The following PTPN18 variants were observed in gnomAD, a reference collection of about 807,000 sequenced individuals.
PTPN18 encodes the protein protein tyrosine phosphatase non-receptor type 18, also known as tyrosine-protein phosphatase non-receptor type 18.
In PTPN18, 65 loss-of-function variants were observed where a neutral mutation model predicts 65.4. The ratio of observed to expected loss-of-function variants is 0.99; its 90% confidence interval spans 0.81 to 1.22. PTPN18 has a LOEUF of 1.22. Ranked by LOEUF, PTPN18 falls within the 50% of genes most tolerant of loss-of-function variation. The probability of loss-of-function intolerance (pLI) is 0.00; values close to 1 mark genes in which losing one functional copy is unlikely to be tolerated. For missense variants in PTPN18, 616 were observed against 646.5 expected, an observed-to-expected ratio of 0.95 and a Z score of 0.51; for synonymous variants, 255 against 267.8, an observed-to-expected ratio of 0.95 and a Z score of 0.47.
chr2:130,356,254 C>A, intron 1 of PTPN18, 54 bp downstream of exon 1: 2 of 1,223,368 alleles, frequency 1.6e-6, no homozygotes, highest in African/African-American at 1.6e-5. Context: ...GCCCTGCGTA[C>A]GCCTGTCCTC....
chr2:130,371,210 A>G lies in PTPN18; in HGVS notation c.936A>G (p.Pro312=), dbSNP rs776667763. 1 of 1,607,476 alleles carries G rather than the reference A, an allele frequency of 6.2e-7. No individual in the cohort carries two copies. The highest frequency in any genetic ancestry group is 8.5e-7 in the Non-Finnish European group (1 of 1,176,726). Reference sequence around the variant, plus strand: ...CTGTTTTTCTTCAGAATTGTGCCCCACTCTACGACGATGCCCTCTTCCTCC... The same window carrying G: ...CTGTTTTTCTTCAGAATTGTGCCCCGCTCTACGACGATGCCCTCTTCCTCC... ...HYQNIKENCA[P]LYDDALFLRT... is the part of the protein sequence containing the mutation. Residue 312 remains proline, a synonymous_variant, in exon 12 of 15, where the codon CCA becomes CCG. Coordinates refer to ENST00000175756, the MANE Select transcript of PTPN18 (RefSeq NM_014369.4).
intron 8 of PTPN18, 157 bp downstream of exon 8, chr2:130,370,347 A>T: frequency 8.1e-7 from 1 of 1,228,756 alleles, no homozygotes; most frequent in Non-Finnish European, 1.1e-6. Flanking sequence ...TGTTCAGCAC[A>T]GACTCAGCTG....
At chr2:130,369,004 T>G in intron 5 of PTPN18, 129 bp from the exon 6 acceptor site, 1 of 723,844 alleles carries the variant, frequency 1.4e-6, no homozygotes. Flanking sequence ...TGGCGTCTGT[T>G]ATAGGTTATA....
chr2:130,372,276 T>C lies in PTPN18; in HGVS notation c.1033T>C (p.Ser345Pro). The C allele has an allele frequency of 6.4e-7, 1 of 1,566,210 alleles. No individual in the cohort carries two copies. The highest frequency in any genetic ancestry group is 8.6e-7 in the Non-Finnish European group (1 of 1,165,330). The change falls in exon 13 of 15, where the codon TCC becomes CCC. Residue 345 changes from serine to proline, a missense_variant. Transcript: ENST00000175756. ...GVLRSISVPG[S>P]PGHAMADTYA... Reference sequence around the variant, plus strand: ...CTGCAGGAGCATCTCTGTGCCCGGGTCCCCGGGCCACGCCATGGCTGACAC... The same window carrying C: ...CTGCAGGAGCATCTCTGTGCCCGGGCCCCCGGGCCACGCCATGGCTGACAC...
intron 12 of PTPN18, among the ~76,000 whole-genome samples, 180 bp downstream of exon 12, chr2:130,371,467 C>A (rs948840555): frequency 1.3e-5 from 2 of 152,194 alleles, no homozygotes; most frequent in African/African-American, 4.8e-5. Context: ...GATTCATTTA[C>A]CCCTTGCCTC....
intron 7 of PTPN18, 109 bp downstream of exon 7, chr2:130,369,936 G>A: frequency 6.5e-7 from 1 of 1,542,754 alleles, no homozygotes; most frequent in Non-Finnish European, 8.9e-7. Context: ...TTATTGTCTG[G>A]TAGACATAAA....
rs1009600348 is a variant in PTPN18, at chr2:130,372,897, G to C, written c.1265G>C (p.Gly422Ala). ...GTTCCTGCTGACCAAAGTCCTGCCGGATCTGGCGCCTACGAGGACGTGGCG... is the reference window on the plus strand; with the variant it reads ...GTTCCTGCTGACCAAAGTCCTGCCGCATCTGGCGCCTACGAGGACGTGGCG... ...GRVPADQSPA[G>A]SGAYEDVAGG... Residue 422 changes from glycine (G) to alanine (A), a missense_variant, in exon 14 of 15, where the codon GGA becomes GCA. Gly to Ala is a moderately conservative substitution (Grantham distance 60). Around this residue, in one of 3 missense-constraint regions of PTPN18, gnomAD observed 368 missense variants for 386.7 expected, o/e 0.95. Coordinates refer to ENST00000175756, the MANE Select transcript of PTPN18 (RefSeq NM_014369.4). 46 of 1,614,116 alleles carry C rather than the reference G, an allele frequency of 2.8e-5. No homozygotes were observed. Among genetic ancestry groups the C allele is most frequent in the African/African-American group, 4.0e-5 (3 of 74,950 alleles).
chr2:130,363,114 C>T (rs556878005), intron 5 of PTPN18, among the ~76,000 whole-genome samples: 30 of 151,104 alleles, frequency 2.0e-4, no homozygotes, highest in Non-Finnish European at 3.8e-4. Context: ...CCACCGTGCC[C>T]GGCCTACCAC....
chr2:130,372,866 C>T lies in PTPN18; in HGVS notation c.1241-7C>T, dbSNP rs1680624636. ...GAGCTGACCCGTGGGGGGTCTGCTG[C>T]CCTCAGTTCCTGCTGACCAAAGTCC... On this transcript the variant is annotated splice_polypyrimidine_tract_variant and splice_region_variant and intron_variant, in intron 13 of 14. Coordinates refer to ENST00000175756, the MANE Select transcript of PTPN18 (RefSeq NM_014369.4). 1 of 1,613,924 alleles carries T rather than the reference C, an allele frequency of 6.2e-7. No individual in the cohort carries two copies. Among genetic ancestry groups the T allele is most frequent in the Admixed American group, 1.7e-5 (1 of 60,010 alleles).
intron 5 of PTPN18, among the ~76,000 whole-genome samples, chr2:130,366,395 G>T (rs1446544596): frequency 6.6e-6 from 1 of 152,154 alleles, no homozygotes; most frequent in Admixed American, 6.5e-5. Context: ...TCAGATGATC[G>T]TGTGTTTTGT....
At chr2:130,362,069 A>G (rs7560297) in intron 5 of PTPN18, 16,990 of 461,448 alleles carry the variant, frequency 0.037, 1,974 homozygotes, top group African/African-American at 0.27. Flanking sequence ...CTGGGCTCAA[A>G]TGATCATGCT....
At position 130,364,759 on chromosome 2, in the gene PTPN18, G is replaced by A. The variant is rs185210328; in HGVS notation, c.415-4374G>A. ...TGCAGTGAGCCGAGATCGCACCACC[G>A]CACTCCAGCCTGGGCGACAGAGCGA... On this transcript the variant is annotated intron_variant, in intron 5 of 14. Coordinates refer to ENST00000175756, the MANE Select transcript of PTPN18 (RefSeq NM_014369.4). Among the ~76,000 whole-genome samples, 868 of 152,336 alleles carry A rather than the reference G, an allele frequency of 5.7e-3. 8 individuals are homozygous for A. Among genetic ancestry groups the A allele is most frequent in the African/African-American group, 0.019 (804 of 41,576 alleles).
chr2:130,371,008 C>T (rs1680546585), intron 11 of PTPN18, 44 bp downstream of exon 11: 2 of 1,587,958 alleles, frequency 1.3e-6, no homozygotes, highest in East Asian at 4.5e-5. Flanking sequence ...CATCAGCACC[C>T]TCAGAGACCA....
chr2:130,368,946 C>A (rs530432119), intron 5 of PTPN18, 187 bp from the exon 6 acceptor site: 8 of 558,886 alleles, frequency 1.4e-5, no homozygotes, highest in African/African-American at 1.3e-4. Context: ...TGGTCAGCAG[C>A]GCACCTCCAT....
At chr2:130,357,708 T>C (rs1680032065) in intron 1 of PTPN18, among the ~76,000 whole-genome samples, 1 of 152,064 alleles carries the variant, frequency 6.6e-6, no homozygotes, top group African/African-American at 2.4e-5. Context: ...CACAAAAAAT[T>C]AGCTGGGCGT....
rs1573855898 is a variant in PTPN18 at position 130,358,722 on chromosome 2, G to A, written c.94-145G>A. The A allele has an allele frequency of 2.0e-5, 13 of 645,982 alleles. No individual in the cohort carries two copies. The South Asian group carries it at 2.5e-4, about 12-fold the overall frequency. The allele number at this position is 645,982 out of a possible 1,614,324, so 40.0% of individuals were successfully genotyped here. On this transcript the variant is annotated intron_variant, in intron 1 of 14. Coordinates refer to ENST00000175756, the MANE Select transcript of PTPN18 (RefSeq NM_014369.4). The stretch of plus-strand genomic sequence containing the variant: ...ACTATTTCGGTATCATTATTATTAG[G>A]CAGGCCCAGTGCCATCAGGGTCTGC...
At position 130,373,440 on chromosome 2, in the gene PTPN18, A is replaced by G. The variant is rs1680645517; in HGVS notation, c.*216A>G. ...GGTATAGTGGCTGGTGAGGCTGCAC[A>G]GAGCAGATTCAAGAAAGAAGATCAG... On this transcript the variant is annotated 3_prime_UTR_variant, in exon 15 of 15. Transcript: ENST00000175756. This position sits in a 1 kb window ranked among gnomAD's most constrained non-coding sequence, Gnocchi z 4.1. 1 of 482,902 alleles carries G rather than the reference A, an allele frequency of 2.1e-6. No homozygotes were observed. The highest frequency in any genetic ancestry group is 3.8e-5 in the South Asian group (1 of 26,322). The allele number at this position is 482,902 out of a possible 1,614,324, so 29.9% of individuals were successfully genotyped here. A position where few individuals can be genotyped will look rare whatever the true frequency, so the allele number is the denominator to read the frequency against.
intron 5 of PTPN18, among the ~76,000 whole-genome samples, chr2:130,367,032 C>T (rs187723505): frequency 6.8e-6 from 1 of 146,548 alleles, no homozygotes; most frequent in Admixed American, 6.9e-5. Context: ...ATGTTGCCAA[C>T]ACACCTAGCT....
intron 8 of PTPN18, 76 bp from the exon 9 acceptor site, chr2:130,370,480 AC>A: frequency 6.5e-7 from 1 of 1,531,682 alleles, no homozygotes; most frequent in Admixed American, 1.7e-5. Flanking sequence ...CAGGACCCTC[AC>A]CCCCATCCCC....
Sources: allele counts gnomAD v4.1 joint callset (sites outside exome capture counted in the v4.1 genomes callset), GRCh38; gene constraint gnomAD v4.1.1; regional missense constraint gnomAD v4.1.1; non-coding constraint Gnocchi (gnomAD v3.1); transcripts MANE v1.5; gene names NCBI Gene and HGNC (gene_info 2026-07-23, HGNC 2026-07-21).